The following ABCG4 variants were observed in gnomAD, a reference collection of about 807,000 sequenced individuals.
ABCG4 encodes the protein ATP-binding cassette sub-family G member 4.
ABCG4 carries 35 observed loss-of-function variants against 64.6 expected under a neutral mutation model. That is an observed-to-expected ratio of 0.54 (90% CI 0.41 to 0.72). The LOEUF is 0.72. Ranked by LOEUF, ABCG4 falls within the 30% of genes least tolerant of loss-of-function variation. The pLI, the probability that ABCG4 is intolerant of heterozygous loss-of-function variation, is 0.00. For synonymous variants in ABCG4, 326 were observed against 348.2 expected (o/e 0.94, Z 0.71); for missense variants, 610 against 846.3 (o/e 0.72, Z 3.46).
rs113904368 is a variant in ABCG4 at position 119,160,078 on chromosome 11, A to T, written c.1438-149A>T. 1 of 813,322 alleles carries T rather than the reference A, an allele frequency of 1.2e-6. No homozygotes were observed. The highest frequency in any genetic ancestry group is 1.9e-6 in the Non-Finnish European group (1 of 527,444). The allele number at this position is 813,322 out of a possible 1,614,324, so 50.4% of individuals were successfully genotyped here. ...CCAGGGAGGAAGGGGACGTGTGTCA[A>T]TCTGGGGGACAGCTTGAACAAGAAT... On this transcript the variant is annotated intron_variant, in intron 12 of 14. Coordinates refer to ENST00000619701, the MANE Select transcript of ABCG4 (RefSeq NM_022169.5). The surrounding 1 kb of genome is among the most constrained non-coding windows in gnomAD (Gnocchi z 4.6).
In ABCG4 at chr11:119,160,980, C is replaced by T. The variant is rs1948343176; in HGVS notation, c.1815C>T (p.Ile605=). Residue 605 remains isoleucine (I), a synonymous_variant, in exon 15 of 15, where the codon ATC becomes ATT. Transcript: ENST00000619701. The surrounding 1 kb of genome is among the most constrained non-coding windows in gnomAD (Gnocchi z 4.6). ...ERCPFREPQS[I]LRALDVEDAK... is the part of the protein sequence containing the mutation. Reference sequence around the variant, plus strand: ...GCCCGTTCCGGGAGCCACAGAGCATCCTCCGAGCGCTGGATGTGGAGGATG... The same window carrying T: ...GCCCGTTCCGGGAGCCACAGAGCATTCTCCGAGCGCTGGATGTGGAGGATG... 6.2e-7 allele frequency: 1 copy of T among 1,614,112 alleles called. No individual in the cohort carries two copies. The highest frequency in any genetic ancestry group is 8.5e-7 in the Non-Finnish European group (1 of 1,179,990).
rs1948308932 is a variant in ABCG4 at position 119,159,003 on chromosome 11, C to T, written c.1437+74C>T. The T allele has an allele frequency of 2.1e-6, 3 of 1,431,674 alleles. No homozygotes were observed. The African/African-American group carries it at 4.2e-5, about 20-fold the overall frequency. 88.7% of individuals were successfully genotyped at this position (1,431,674 alleles called of 1,614,324 possible). ...CTTCTATCCTTGCTTTCTTGCCTCC[C>T]TCAAACTTGTCACTTTCCTTCCTTT... is the stretch of plus-strand genomic sequence containing the variant. On this transcript the variant is annotated intron_variant, in intron 12 of 14. Coordinates refer to ENST00000619701, the MANE Select transcript of ABCG4 (RefSeq NM_022169.5).
Position 119,160,989 on chromosome 11 carries a change from G to A in ABCG4, c.1824G>A (p.Ala608=), listed in dbSNP as rs143065575. The change falls in exon 15 of 15, where the codon GCG becomes GCA. Residue 608 remains alanine, a synonymous_variant. Transcript: ENST00000619701. The surrounding 1 kb of genome is among the most constrained non-coding windows in gnomAD (Gnocchi z 4.6). Reference sequence around the variant, plus strand: ...GGGAGCCACAGAGCATCCTCCGAGCGCTGGATGTGGAGGATGCCAAGCTCT... The same window carrying A: ...GGGAGCCACAGAGCATCCTCCGAGCACTGGATGTGGAGGATGCCAAGCTCT... ...PFREPQSILR[A]LDVEDAKLYM... 2.0e-5 allele frequency: 32 copies of A among 1,613,974 alleles called. No homozygotes were observed. The highest frequency in any genetic ancestry group is 6.7e-5 in the East Asian group (3 of 44,898).
At position 119,158,293 on chromosome 11, in the gene ABCG4, C is replaced by T. The variant is rs751214207; in HGVS notation, c.1128C>T (p.Ile376=). The T allele has an allele frequency of 1.2e-6, 2 of 1,613,908 alleles. No individual in the cohort carries two copies. The highest frequency in any genetic ancestry group is 4.5e-5 in the East Asian group (2 of 44,884). Residue 376 remains isoleucine, a synonymous_variant, in exon 10 of 15, where the codon ATC becomes ATT. Transcript: ENST00000619701. The surrounding 1 kb of genome is among the most constrained non-coding windows in gnomAD (Gnocchi z 4.5). ...CCAGCACCCTCACACAGTTCTGCATCCTCTTCAAGAGGACCTTCCTGTCCA... is the reference window on the plus strand; with the variant it reads ...CCAGCACCCTCACACAGTTCTGCATTCTCTTCAAGAGGACCTTCCTGTCCA... The part of the protein sequence containing the change: ...FATSTLTQFC[I]LFKRTFLSIL...
chr11:119,159,094 G>A (rs1402963052), intron 12 of ABCG4, among the ~76,000 whole-genome samples, 165 bp downstream of exon 12: 1 of 152,184 alleles, frequency 6.6e-6, no homozygotes, highest in Non-Finnish European at 1.5e-5. Flanking sequence ...TCTGTACCAG[G>A]CCCTAGGGAT....
rs1450764807 is a variant in ABCG4, at chr11:119,149,849, C to G, written c.-12-105C>G. 9.0e-6 allele frequency: 13 copies of G among 1,447,846 alleles called. No individual in the cohort carries two copies. The highest frequency in any genetic ancestry group is 6.8e-5 in the South Asian group (5 of 73,508). 89.7% of individuals were successfully genotyped at this position (1,447,846 alleles called of 1,614,324 possible). A position where few individuals can be genotyped will look rare whatever the true frequency, so the allele number is the denominator to read the frequency against. The stretch of plus-strand genomic sequence containing the variant: ...GGGGCTAACAGTCGCGGATCTGCCC[C>G]GAGAAGGAGGTGGGCAGTGGGGGCG... On this transcript the variant is annotated intron_variant, in intron 1 of 14. Coordinates refer to ENST00000619701, the MANE Select transcript of ABCG4 (RefSeq NM_022169.5). This position sits in a 1 kb window ranked among gnomAD's most constrained non-coding sequence, Gnocchi z 8.3.
chr11:119,159,053 A>G, intron 12 of ABCG4, 124 bp downstream of exon 12: 1 of 905,810 alleles, frequency 1.1e-6, no homozygotes, highest in South Asian at 1.5e-5. Context: ...CACTTAGCAA[A>G]TAGATGGTGA....
rs949437766 is a variant in ABCG4, at chr11:119,156,777, C to T, written c.926-95C>T. On this transcript the variant is annotated intron_variant, in intron 8 of 14. Transcript: ENST00000619701. This position sits in a 1 kb window ranked among gnomAD's most constrained non-coding sequence, Gnocchi z 5.5. ...GGCCTCCTAGGGGTAGAGATCTCAC[C>T]GTCGCCTGCCTTCCCCACACACCCA... 19 of 1,585,686 alleles carry T rather than the reference C, an allele frequency of 1.2e-5. No individual in the cohort carries two copies. The highest frequency in any genetic ancestry group is 5.6e-5 in the South Asian group (5 of 89,378).
rs781361056 is a variant in ABCG4, at chr11:119,158,571, A to G, written c.1182A>G (p.Leu394=). 21 of 1,613,932 alleles carry G rather than the reference A, an allele frequency of 1.3e-5. No homozygotes were observed. The South Asian group carries it at 1.4e-4, about 11-fold the overall frequency. Residue 394 remains leucine (L), a synonymous_variant, in exon 11 of 15, where the codon CTA becomes CTG. Coordinates refer to ENST00000619701, the MANE Select transcript of ABCG4 (RefSeq NM_022169.5). This position sits in a 1 kb window ranked among gnomAD's most constrained non-coding sequence, Gnocchi z 4.5. ...SILRDTVLTH[L]RFMSHVVIGV... The stretch of plus-strand genomic sequence containing the variant: ...CCCCTCCCAAGGTCCTGACCCACCT[A>G]CGGTTCATGTCCCACGTGGTTATTG...
chr11:119,151,426 C>A (rs1320838932), intron 2 of ABCG4, among the ~76,000 whole-genome samples: 1 of 152,070 alleles, frequency 6.6e-6, no homozygotes, highest in Non-Finnish European at 1.5e-5. Context: ...CTGCCCCCTG[C>A]CCTCCCCTCG....
At position 119,154,013 on chromosome 11, in the gene ABCG4, C is replaced by T. The variant is rs1159796066; in HGVS notation, c.239-13C>T. ...TGCAGCCTGACTAAAAATTCCTCCC[C>T]ACCTCACTGCAGGTTATAAGACCCT... is the stretch of plus-strand genomic sequence containing the variant. On this transcript the variant is annotated splice_polypyrimidine_tract_variant and intron_variant, in intron 2 of 14. Coordinates refer to ENST00000619701, the MANE Select transcript of ABCG4 (RefSeq NM_022169.5). The surrounding 1 kb of genome is among the most constrained non-coding windows in gnomAD (Gnocchi z 7.0). The T allele has an allele frequency of 1.9e-6, 3 of 1,612,088 alleles. No homozygotes were observed. The highest frequency in any genetic ancestry group is 2.5e-6 in the Non-Finnish European group (3 of 1,178,248).
chr11:119,160,829 G>C lies in ABCG4; in HGVS notation c.1716-52G>C. The C allele has an allele frequency of 6.3e-7, 1 of 1,576,862 alleles. No individual in the cohort carries two copies. Among genetic ancestry groups the C allele is most frequent in the South Asian group, 1.1e-5 (1 of 88,298 alleles). ...CAGCTGGGCTCTGGCAGTTTTCTCA[G>C]AGAGCAGGGACCCTGTGTGCTGTAT... On this transcript the variant is annotated intron_variant, in intron 14 of 14. Transcript: ENST00000619701. This position sits in a 1 kb window ranked among gnomAD's most constrained non-coding sequence, Gnocchi z 4.6.
At chr11:119,159,824 G>A (rs961769323) in intron 12 of ABCG4, among the ~76,000 whole-genome samples, 6 of 152,146 alleles carry the variant, frequency 3.9e-5, no homozygotes, top group African/African-American at 9.7e-5. Flanking sequence ...CCCTTGAGCA[G>A]TGGATGACTG....
rs772962506 is a variant in ABCG4, at chr11:119,158,478, C to G, written c.1168-79C>G. 1 of 1,593,450 alleles carries G rather than the reference C, an allele frequency of 6.3e-7. No homozygotes were observed. The highest frequency in any genetic ancestry group is 1.3e-5 in the African/African-American group (1 of 74,422). ...GTCTCTGTGCCTGTGAGGGCAGCTC[C>G]GAGTTCCTACTCCAAGTCTACTCTG... On this transcript the variant is annotated intron_variant, in intron 10 of 14. Transcript: ENST00000619701. The surrounding 1 kb of genome is among the most constrained non-coding windows in gnomAD (Gnocchi z 4.5).
Position 119,149,963 on chromosome 11 carries a change from G to GT in ABCG4, c.-2dup, listed in dbSNP as rs759711354. On this transcript the variant is annotated 5_prime_UTR_variant, in exon 2 of 15. Coordinates refer to ENST00000619701, the MANE Select transcript of ABCG4 (RefSeq NM_022169.5). The surrounding 1 kb of genome is among the most constrained non-coding windows in gnomAD (Gnocchi z 8.3). The stretch of plus-strand genomic sequence containing the variant: ...GGCCCTCCCCTTGCAGGTCGGCGGC[G>GT]TGATGGCGGAGAAGGCGCTGGAGGC... The GT allele has an allele frequency of 1.9e-6, 3 of 1,603,826 alleles. No homozygotes were observed. The highest frequency in any genetic ancestry group is 2.5e-6 in the Non-Finnish European group (3 of 1,179,426).
In ABCG4 at chr11:119,161,316, G is replaced by A. The variant is rs78481095; in HGVS notation, c.*210G>A. On this transcript the variant is annotated 3_prime_UTR_variant, in exon 15 of 15. Transcript: ENST00000619701. ...CCAGCCCTCCCCACTATGCCCAGGA[G>A]TCTTCCCAAGTTGATGCGGTTTGTA... 368 of 559,604 alleles carry A rather than the reference G, an allele frequency of 6.6e-4. 2 individuals are homozygous for A. In the East Asian group the frequency reaches 8.3e-3, roughly 13 times the overall value. The allele number at this position is 559,604 out of a possible 1,614,324, so 34.7% of individuals were successfully genotyped here.
intron 2 of ABCG4, 199 bp from the exon 3 acceptor site, chr11:119,153,827 T>A: frequency 1.7e-6 from 1 of 598,084 alleles, no homozygotes; most frequent in South Asian, 2.0e-5. Context: ...ACTTTGATAT[T>A]AGTGGTGGTC....
Position 119,150,209 on chromosome 11 carries a change from G to T in ABCG4, c.238+6G>T, listed in dbSNP as rs1416324899. On this transcript the variant is annotated splice_donor_region_variant and intron_variant, in intron 2 of 14. Transcript: ENST00000619701. The surrounding 1 kb of genome is among the most constrained non-coding windows in gnomAD (Gnocchi z 4.3). ...GCCCTGCTGGCGCAAAAGGGGTAGG[G>T]AACAGCCTGGTAGGGGGAGTCCGTG... 1.9e-6 allele frequency: 3 copies of T among 1,612,112 alleles called. No homozygotes were observed. Among genetic ancestry groups the T allele is most frequent in the Middle Eastern group, 3.3e-4 (2 of 6,056 alleles).
In ABCG4 at chr11:119,157,861, G is replaced by A. The variant is rs191605732; in HGVS notation, c.1069-373G>A. 4.2e-3 allele frequency among the ~76,000 whole-genome samples: 630 copies of A among 150,086 alleles called. 4 individuals are homozygous for A. Among genetic ancestry groups the A allele is most frequent in the African/African-American group, 0.015 (581 of 39,552 alleles). On this transcript the variant is annotated intron_variant, in intron 9 of 14. Coordinates refer to ENST00000619701, the MANE Select transcript of ABCG4 (RefSeq NM_022169.5). ...AGACTGGGCGACAGAGCGAGACTCC[G>A]TCTCAAAAACAAAACAAAACAAAAC... is the stretch of plus-strand genomic sequence containing the variant.
Sources: allele counts gnomAD v4.1 joint callset (sites outside exome capture counted in the v4.1 genomes callset), GRCh38; gene constraint gnomAD v4.1.1; non-coding constraint Gnocchi (gnomAD v3.1); transcripts MANE v1.5; gene names NCBI Gene and HGNC (gene_info 2026-07-23, HGNC 2026-07-21).